The following AR variants were observed in gnomAD, a reference collection of about 807,000 sequenced individuals.
AR encodes dihydrotestosterone receptor.
In AR, 8 loss-of-function variants were observed where a neutral mutation model predicts 53.9. The observed-to-expected ratio is 0.15, with a 90% CI of 0.09 to 0.27. The LOEUF (loss-of-function observed/expected upper bound fraction) is 0.27. Among genes scored for constraint, AR ranks in the 10% least tolerant of loss-of-function variants. AR has a pLI of 1.00. For missense variants in AR, 639 were observed against 742.5 expected, an observed-to-expected ratio of 0.86 and a Z score of 1.62; for synonymous variants, 359 against 316.4, an observed-to-expected ratio of 1.13 and a Z score of -1.43.
At chrX:67,723,348 GTGTGTC>G (rs1167943212) in intron 7 of AR, among the ~76,000 whole-genome samples, 3 of 101,941 alleles carry the variant, frequency 2.9e-5, no homozygotes, top group African/African-American at 1.2e-4. Context: ...GTGTGTGTGT[GTGTGTC>G]AGAGAGAGAG....
intron 1 of AR, among the ~76,000 whole-genome samples, chrX:67,636,204 G>A (rs1325111416): frequency 2.7e-5 from 3 of 110,672 alleles, no homozygotes; most frequent in Non-Finnish European, 5.7e-5. Context: ...CCACATAATA[G>A]GAGCTTAGTC....
At position 67,728,585 on chromosome X, in the gene AR, A is replaced by ATAT. The variant is rs1377325046; in HGVS notation, c.*4745_*4747dup. The ATAT allele has an allele frequency of 1.2e-5, 1 of 84,723 alleles. No individual in the cohort carries two copies. The highest frequency in any genetic ancestry group is 3.1e-4 in the East Asian group (1 of 3,278). 7.0% of individuals were successfully genotyped at this position (84,723 alleles called of 1,213,427 possible). A position where few individuals can be genotyped will look rare whatever the true frequency, so the allele number is the denominator to read the frequency against. On this transcript the variant is annotated 3_prime_UTR_variant, in exon 8 of 8. Transcript: ENST00000374690. ...TGTTTCAAAATTGAAATATATATATATATATATATATATATATATATATAT... is the reference window on the plus strand; with the variant it reads ...TGTTTCAAAATTGAAATATATATATATATTATATATATATATATATATATATAT...
chrX:67,603,574 A>T (rs781655998), intron 1 of AR, among the ~76,000 whole-genome samples: 2 of 112,071 alleles, frequency 1.8e-5, no homozygotes, highest in Non-Finnish European at 3.8e-5. Context: ...ATAATTCAAT[A>T]GTTCAGTATA....
chrX:67,639,519 G>T (rs1427058923), intron 1 of AR, among the ~76,000 whole-genome samples: 4 of 111,227 alleles, frequency 3.6e-5, no homozygotes, highest in Non-Finnish European at 3.8e-5. Context: ...AATTCTCCTT[G>T]AAGAGGTCCT....
At chrX:67,722,596 G>A (rs1569315951) in intron 6 of AR, among the ~76,000 whole-genome samples, 1 of 111,588 alleles carries the variant, frequency 9.0e-6, no homozygotes, top group Non-Finnish European at 1.9e-5. Context: ...AAAAGGTTCA[G>A]GAAATTTGAT....
At chrX:67,597,930 C>G (rs1183450471) in intron 1 of AR, among the ~76,000 whole-genome samples, 1 of 111,838 alleles carries the variant, frequency 8.9e-6, no homozygotes, top group Admixed American at 9.5e-5. Flanking sequence ...TGGTGAAAGG[C>G]AGCCTGTTGC....
At chrX:67,606,043 A>C (rs1222398619) in intron 1 of AR, among the ~76,000 whole-genome samples, 2 of 111,950 alleles carry the variant, frequency 1.8e-5, no homozygotes, top group African/African-American at 3.3e-5. Flanking sequence ...CAAATATATG[A>C]GCAAATTGCT....
At chrX:67,713,852 C>A (rs187724477) in intron 4 of AR, among the ~76,000 whole-genome samples, 2 of 111,860 alleles carry the variant, frequency 1.8e-5, no homozygotes, top group East Asian at 5.6e-4. Context: ...GCTTGCCAGA[C>A]TAAATGATTT....
intron 1 of AR, among the ~76,000 whole-genome samples, chrX:67,622,483 G>T (rs1183624693): frequency 8.9e-6 from 1 of 111,936 alleles, no homozygotes; most frequent in Non-Finnish European, 1.9e-5. Context: ...AAACACTTTT[G>T]CTACTACCAC....
intron 1 of AR, among the ~76,000 whole-genome samples, chrX:67,609,667 T>TTATA (rs1923788646): frequency 9.0e-6 from 1 of 111,368 alleles, no homozygotes. Context: ...CTTTGCCCAT[T>TTATA]TATACTATGA....
At chrX:67,592,660 TTA>T (rs1361792118) in intron 1 of AR, among the ~76,000 whole-genome samples, 3 of 109,186 alleles carry the variant, frequency 2.7e-5, no homozygotes, top group Non-Finnish European at 3.8e-5. Flanking sequence ...TTTTTTTTTT[TTA>T]AAATCTACTA....
chrX:67,669,854 T>C (rs754093155), intron 2 of AR, among the ~76,000 whole-genome samples: 68 of 109,992 alleles, frequency 6.2e-4, no homozygotes, highest in African/African-American at 2.2e-3. Context: ...CGGATATTAG[T>C]ATTGCTGCTA....
At chrX:67,676,965 C>T (rs1389844068) in intron 2 of AR, among the ~76,000 whole-genome samples, 1 of 110,036 alleles carries the variant, frequency 9.1e-6, no homozygotes, top group Non-Finnish European at 1.9e-5. Context: ...TTCTTGATGC[C>T]CAAGCTGCCA....
chrX:67,566,542 G>A (rs1212535246), intron 1 of AR, among the ~76,000 whole-genome samples: 1 of 111,776 alleles, frequency 8.9e-6, no homozygotes, highest in Non-Finnish European at 1.9e-5. Flanking sequence ...GTATTTGTGT[G>A]TGTGAAGGTT....
chrX:67,583,831 T>G (rs757702666), intron 1 of AR, among the ~76,000 whole-genome samples: 1 of 111,902 alleles, frequency 8.9e-6, no homozygotes, highest in East Asian at 2.8e-4. Context: ...TTGGCCAGAA[T>G]TTAGGAATAC....
At chrX:67,611,353 T>G (rs769383544) in intron 1 of AR, among the ~76,000 whole-genome samples, 1 of 111,843 alleles carries the variant, frequency 8.9e-6, no homozygotes, top group Non-Finnish European at 1.9e-5. Flanking sequence ...TGGCCATTTA[T>G]GTTTCTTTCC....
chrX:67,616,821 CT>C (rs1382741803), intron 1 of AR, among the ~76,000 whole-genome samples: 1 of 111,256 alleles, frequency 9.0e-6, no homozygotes, highest in Non-Finnish European at 1.9e-5. Flanking sequence ...GCCCCAGCTA[CT>C]CTTAAGGAAC....
chrX:67,651,495 A>T (rs944667145), intron 2 of AR, among the ~76,000 whole-genome samples: 1 of 111,285 alleles, frequency 9.0e-6, no homozygotes, highest in East Asian at 2.8e-4. Context: ...TAAATAATAT[A>T]TTTGGAATTT....
At chrX:67,575,791 A>G (rs1373694073) in intron 1 of AR, among the ~76,000 whole-genome samples, 2 of 111,706 alleles carry the variant, frequency 1.8e-5, no homozygotes, top group Non-Finnish European at 3.8e-5. Context: ...TACCTCTTAT[A>G]TTTGAGGTGT....
Sources: gnomAD v4.1 joint callset for allele counts (sites outside exome capture counted in the v4.1 genomes callset) on GRCh38, gnomAD v4.1.1 for gene constraint, MANE v1.5 for transcripts, NCBI Gene and HGNC (gene_info 2026-07-23, HGNC 2026-07-21) for gene names.